The following GAP43 variants were observed in gnomAD, a reference collection of about 807,000 sequenced individuals.
GAP43 encodes the protein neuromodulin.
In GAP43, 6 loss-of-function variants were observed where a neutral mutation model predicts 18.6. The ratio of observed to expected loss-of-function variants is 0.32; its 90% CI spans 0.18 to 0.64. The LOEUF is 0.64. Among genes scored for constraint, GAP43 ranks in the 30% least tolerant of loss-of-function variants. The pLI, the probability that GAP43 is intolerant of heterozygous loss-of-function variation, is 0.78. For missense variants in GAP43, 292 were observed against 295.5 expected, an observed-to-expected ratio of 0.99 and a Z score of 0.09; for synonymous variants, 115 against 111.4, an observed-to-expected ratio of 1.03 and a Z score of -0.20.
intron 2 of GAP43, among the ~76,000 whole-genome samples, chr3:115,705,910 C>T (rs962235362): frequency 6.6e-6 from 1 of 152,112 alleles, no homozygotes; most frequent in Non-Finnish European, 1.5e-5. Flanking sequence ...TCGGTGCTAA[C>T]TTCAATCATG....
At chr3:115,679,047 C>T (rs574166208) in intron 2 of GAP43, among the ~76,000 whole-genome samples, 1 of 151,866 alleles carries the variant, frequency 6.6e-6, no homozygotes, top group Non-Finnish European at 1.5e-5. Context: ...CTCTGCCTTC[C>T]ACTGTATTTC....
At chr3:115,716,717 A>AATATAT (rs3995850) in intron 2 of GAP43, among the ~76,000 whole-genome samples, 46 of 43,906 alleles carry the variant, frequency 1.0e-3, no homozygotes, top group Middle Eastern at 0.023. Context: ...ATCTCAGACA[A>AATATAT]ATATATATAT....
At chr3:115,694,397 T>A (rs1236841781) in intron 2 of GAP43, among the ~76,000 whole-genome samples, 1 of 152,220 alleles carries the variant, frequency 6.6e-6, no homozygotes, top group East Asian at 1.9e-4. Flanking sequence ...TAATGCATAT[T>A]TGATAGCTTT....
intron 1 of GAP43, among the ~76,000 whole-genome samples, chr3:115,666,859 G>A (rs1182057471): frequency 6.6e-6 from 1 of 152,166 alleles, no homozygotes; most frequent in Non-Finnish European, 1.5e-5. Context: ...CCTCATCTGT[G>A]TTGATTATAA....
At chr3:115,629,049 C>A (rs1325504746) in intron 1 of GAP43, among the ~76,000 whole-genome samples, 2 of 152,192 alleles carry the variant, frequency 1.3e-5, no homozygotes, top group African/African-American at 4.8e-5. Flanking sequence ...CTCTAGGAAC[C>A]TGAGAGTAAT....
At chr3:115,638,958 G>A (rs540516150) in intron 1 of GAP43, among the ~76,000 whole-genome samples, 52 of 152,088 alleles carry the variant, frequency 3.4e-4, no homozygotes, top group African/African-American at 1.2e-3. Context: ...GCTATACCAG[G>A]AGCTCCTTTC....
chr3:115,705,882 C>A (rs947089858), intron 2 of GAP43, among the ~76,000 whole-genome samples: 11 of 152,054 alleles, frequency 7.2e-5, no homozygotes, highest in Non-Finnish European at 1.5e-5. Context: ...GTAGAAAATC[C>A]TTCGTGGAGG....
intron 1 of GAP43, among the ~76,000 whole-genome samples, chr3:115,625,409 A>G (rs1708175327): frequency 6.6e-6 from 1 of 152,058 alleles, no homozygotes; most frequent in African/African-American, 2.4e-5. Flanking sequence ...CTTCATTTTA[A>G]TATATAAATG....
chr3:115,689,995 C>T (rs981949631), intron 2 of GAP43, among the ~76,000 whole-genome samples: 7 of 152,190 alleles, frequency 4.6e-5, no homozygotes, highest in East Asian at 1.9e-4. Context: ...AAGAGACAGC[C>T]GTGGTTTTCT....
At chr3:115,677,188 C>T (rs1482109102) in intron 2 of GAP43, among the ~76,000 whole-genome samples, 1 of 152,106 alleles carries the variant, frequency 6.6e-6, no homozygotes, top group East Asian at 1.9e-4. Flanking sequence ...TGTGGGTATG[C>T]TCAGAGAATG....
intron 2 of GAP43, among the ~76,000 whole-genome samples, chr3:115,690,489 G>A (rs1164531010): frequency 6.6e-6 from 1 of 152,108 alleles, no homozygotes. Context: ...TCAACCTCAG[G>A]TTCCTCACTG....
At chr3:115,718,283 A>G (rs1709536468) in intron 2 of GAP43, among the ~76,000 whole-genome samples, 1 of 152,204 alleles carries the variant, frequency 6.6e-6, no homozygotes, top group Non-Finnish European at 1.5e-5. Context: ...TAAGGATGGT[A>G]AACTACCTTG....
intron 1 of GAP43, chr3:115,663,937 A>G (rs1708699078): frequency 6.4e-7 from 1 of 1,551,080 alleles, no homozygotes; most frequent in Non-Finnish European, 8.7e-7. Context: ...CTCACATGTA[A>G]CCTATACAAG....
At chr3:115,684,482 G>A (rs1709009671) in intron 2 of GAP43, among the ~76,000 whole-genome samples, 1 of 152,140 alleles carries the variant, frequency 6.6e-6, no homozygotes, top group African/African-American at 2.4e-5. Context: ...CAATTTCCAA[G>A]CACATATGTA....
At chr3:115,652,686 G>T (rs6794935) in intron 1 of GAP43, among the ~76,000 whole-genome samples, 113,473 of 152,052 alleles carry the variant, frequency 0.75, 42,433 homozygotes, top group Middle Eastern at 0.8. Flanking sequence ...GCACCCAGCC[G>T]CCTATGCAGT....
intron 1 of GAP43, among the ~76,000 whole-genome samples, chr3:115,655,323 A>T (rs1180983097): frequency 1.3e-5 from 2 of 152,240 alleles, no homozygotes; most frequent in South Asian, 2.1e-4. Context: ...GGACACAAGA[A>T]TTAGATGAAA....
At chr3:115,702,812 T>C (rs1455657265) in intron 2 of GAP43, among the ~76,000 whole-genome samples, 2 of 152,146 alleles carry the variant, frequency 1.3e-5, no homozygotes, top group Non-Finnish European at 2.9e-5. Context: ...AGAGTATCTG[T>C]ATCTATTTTT....
chr3:115,666,990 C>T (rs1435497277), intron 1 of GAP43, among the ~76,000 whole-genome samples: 2 of 152,018 alleles, frequency 1.3e-5, no homozygotes, highest in East Asian at 1.9e-4. Flanking sequence ...TGGAGAGTGG[C>T]GTGATGAAGG....
At chr3:115,629,131 G>C (rs1708229015) in intron 1 of GAP43, among the ~76,000 whole-genome samples, 1 of 152,072 alleles carries the variant, frequency 6.6e-6, no homozygotes, top group African/African-American at 2.4e-5. Context: ...TTGTTTAAAA[G>C]ATTGAATAAA....
Sources: gnomAD v4.1 joint callset for allele counts (sites outside exome capture counted in the v4.1 genomes callset) on GRCh38, gnomAD v4.1.1 for gene constraint, MANE v1.5 for transcripts, NCBI Gene and HGNC (gene_info 2026-07-23, HGNC 2026-07-21) for gene names.